Variants in SLC44A3 observed in about 807,000 individuals in gnomAD.
SLC44A3 encodes choline transporter-like protein 3.
In SLC44A3, 74 loss-of-function variants were observed where a neutral mutation model predicts 75.4. The ratio of observed to expected loss-of-function variants is 0.98; its 90% confidence interval spans 0.81 to 1.19. The LOEUF is 1.19. Among genes scored for constraint, SLC44A3 ranks in the 50% most tolerant of loss-of-function variants. The pLI is 0.00. For synonymous variants in SLC44A3, 310 were observed against 296.9 expected (o/e 1.04, Z -0.45); for missense variants, 700 against 778.6 (o/e 0.90, Z 1.20).
At chr1:94,891,033 T>C in intron 12 of SLC44A3, 97 bp from the exon 13 acceptor site, 1 of 1,041,774 alleles carries the variant, frequency 9.6e-7, no homozygotes, top group Non-Finnish European at 1.4e-6. Context: ...AGAGTAGGTT[T>C]ATTGTAACTC....
rs61294462 is a variant in SLC44A3, at chr1:94,877,705, T to C, written c.1482+10288T>C. 4.8e-3 allele frequency among the ~76,000 whole-genome samples: 734 copies of C among 152,304 alleles called. 5 individuals carry two copies. Among genetic ancestry groups the C allele is most frequent in the African/African-American group, 0.017 (694 of 41,572 alleles). The stretch of plus-strand genomic sequence containing the variant: ...AAAAGTTCCCAAAAGTTTTGGCAAG[T>C]GGATCCAGGCTTTGACAATGTTTCA... On this transcript the variant is annotated intron_variant, in intron 12 of 14. Coordinates refer to ENST00000271227, the MANE Select transcript of SLC44A3 (RefSeq NM_001114106.3).
In SLC44A3 at chr1:94,845,259, C is replaced by G; in HGVS notation, c.886-19C>G. 1.3e-6 allele frequency: 2 copies of G among 1,577,170 alleles called. No individual in the cohort carries two copies. The highest frequency in any genetic ancestry group is 1.7e-6 in the Non-Finnish European group (2 of 1,162,380). On this transcript the variant is annotated intron_variant, in intron 8 of 14. Transcript: ENST00000271227. ...CTCCATTATTTGGAAGTAATTTACT[C>G]AAATCCCTTTCTCACCAGGCAGTGC...
intron 12 of SLC44A3, among the ~76,000 whole-genome samples, chr1:94,874,542 A>G (rs1212427980): frequency 6.6e-6 from 1 of 152,220 alleles, no homozygotes; most frequent in Admixed American, 6.5e-5. Context: ...GAATTATTGC[A>G]TGAGAAAGGG....
At chr1:94,844,134 A>G (rs1258160265) in intron 8 of SLC44A3, among the ~76,000 whole-genome samples, 1 of 152,198 alleles carries the variant, frequency 6.6e-6, no homozygotes, top group Non-Finnish European at 1.5e-5. Context: ...CATTTATAGA[A>G]TATGTTAAAT....
At chr1:94,891,319 T>C in intron 13 of SLC44A3, 52 bp downstream of exon 13, 1 of 1,546,368 alleles carries the variant, frequency 6.5e-7, no homozygotes, top group Non-Finnish European at 8.7e-7. Flanking sequence ...AATTAAGCCA[T>C]ACAACAATTG....
chr1:94,885,009 C>G (rs142369194), intron 12 of SLC44A3, among the ~76,000 whole-genome samples: 1 of 152,046 alleles, frequency 6.6e-6, no homozygotes, highest in East Asian at 1.9e-4. Flanking sequence ...ACTTTGGGAG[C>G]CCGAGGCAGG....
intron 9 of SLC44A3, among the ~76,000 whole-genome samples, chr1:94,846,392 TC>T (rs1664410712): frequency 6.6e-6 from 1 of 152,154 alleles, no homozygotes; most frequent in Non-Finnish European, 1.5e-5. Flanking sequence ...TAGTATATGT[TC>T]TTGTAAAGCT....
chr1:94,854,263 C>T (rs1190115114), intron 9 of SLC44A3, among the ~76,000 whole-genome samples: 1 of 152,196 alleles, frequency 6.6e-6, no homozygotes, highest in Non-Finnish European at 1.5e-5. Context: ...CTGTGTGACT[C>T]TCAAGCCCAA....
intron 11 of SLC44A3, 116 bp downstream of exon 11, chr1:94,865,015 C>T: frequency 1.9e-6 from 2 of 1,076,786 alleles, no homozygotes; most frequent in Non-Finnish European, 2.7e-6. Context: ...GCGGGCCGTG[C>T]AGAAAGCTCC....
chr1:94,838,448 T>C (rs765300778), intron 6 of SLC44A3, among the ~76,000 whole-genome samples: 4 of 152,198 alleles, frequency 2.6e-5, no homozygotes, highest in Non-Finnish European at 5.9e-5. Flanking sequence ...GAGTTCCCAT[T>C]TTCTATGTTT....
At chr1:94,871,132 A>G (rs1266188246) in intron 12 of SLC44A3, among the ~76,000 whole-genome samples, 1 of 152,226 alleles carries the variant, frequency 6.6e-6, no homozygotes, top group Non-Finnish European at 1.5e-5. Flanking sequence ...TAAAATAGCC[A>G]GAGGAGGACT....
chr1:94,894,438 A>G (rs1670556744), intron 14 of SLC44A3, among the ~76,000 whole-genome samples: 1 of 152,226 alleles, frequency 6.6e-6, no homozygotes, highest in South Asian at 2.1e-4. Flanking sequence ...TAGCAGAAAC[A>G]AAGACTAAAT....
intron 10 of SLC44A3, among the ~76,000 whole-genome samples, chr1:94,858,673 G>GTGTCTGTT (rs1553204149): frequency 6.7e-6 from 1 of 149,906 alleles, no homozygotes; most frequent in East Asian, 2.0e-4. Context: ...GCACTGTCGG[G>GTGTCTGTT]TGTTTGTTTG....
intron 9 of SLC44A3, among the ~76,000 whole-genome samples, chr1:94,848,914 C>G (rs546009551): frequency 6.6e-6 from 1 of 152,018 alleles, no homozygotes; most frequent in Non-Finnish European, 1.5e-5. Context: ...CAGAAAGAGG[C>G]AAAGGGGGAT....
chr1:94,823,168 T>C (rs190531627), intron 2 of SLC44A3, among the ~76,000 whole-genome samples: 67 of 152,276 alleles, frequency 4.4e-4, no homozygotes, highest in African/African-American at 1.6e-3. Context: ...ATTAGATTAC[T>C]GGTGAGCTGG....
At chr1:94,824,443 T>TG in intron 2 of SLC44A3, 50 bp from the exon 3 acceptor site, 1 of 1,535,868 alleles carries the variant, frequency 6.5e-7, no homozygotes, top group South Asian at 1.3e-5. Flanking sequence ...TGTGGGGCAC[T>TG]GTGCGCTCAG....
At chr1:94,841,281 T>C (rs1034932826) in intron 7 of SLC44A3, among the ~76,000 whole-genome samples, 2 of 152,218 alleles carry the variant, frequency 1.3e-5, no homozygotes, top group African/African-American at 4.8e-5. Context: ...AATGTCATCA[T>C]GCAGTGGATG....
At chr1:94,832,906 G>A (rs189606540) in intron 5 of SLC44A3, among the ~76,000 whole-genome samples, 321 of 152,184 alleles carry the variant, frequency 2.1e-3, no homozygotes, top group African/African-American at 7.2e-3. Context: ...GTTTGAGGTT[G>A]TAGTGAGCTG....
At chr1:94,893,531 C>T (rs1670449631) in intron 14 of SLC44A3, among the ~76,000 whole-genome samples, 1 of 152,014 alleles carries the variant, frequency 6.6e-6, no homozygotes, top group Non-Finnish European at 1.5e-5. Flanking sequence ...CAGGCGTGCA[C>T]CACCACGCCT....
Sources: allele counts gnomAD v4.1 joint callset (sites outside exome capture counted in the v4.1 genomes callset), GRCh38; gene constraint gnomAD v4.1.1; transcripts MANE v1.5; gene names NCBI Gene and HGNC (gene_info 2026-07-23, HGNC 2026-07-21).